ETS1: variants seen among roughly 807,000 people sequenced by gnomAD.
ETS1 encodes the protein protein C-ets-1.
A neutral mutation model predicts 58.6 loss-of-function variants in ETS1; 15 were observed. That is an observed-to-expected ratio of 0.26 (90% confidence interval 0.17 to 0.39). ETS1 has a LOEUF of 0.39. Ranked by LOEUF, ETS1 falls within the 10% of genes least tolerant of loss-of-function variation. The probability of loss-of-function intolerance (pLI) is 1.00; values close to 1 mark genes in which losing one functional copy is unlikely to be tolerated. For missense variants in ETS1, 417 were observed against 610.5 expected (o/e 0.68, Z 3.34); for synonymous variants, 214 against 218.2 (o/e 0.98, Z 0.17).
intron 3 of ETS1, among the ~76,000 whole-genome samples, chr11:128,550,820 C>T (rs576472325): frequency 6.6e-6 from 1 of 152,296 alleles, no homozygotes; most frequent in South Asian, 2.1e-4. Context: ...CTAGTCTTGT[C>T]CTAGAAAATA....
Position 128,549,409 on chromosome 11 carries a change from C to T in ETS1, c.214+6882G>A, listed in dbSNP as rs1311378510. Among the ~76,000 whole-genome samples the T allele has an allele frequency of 6.6e-6, 1 of 152,236 alleles. No individual in the cohort carries two copies. Among genetic ancestry groups the T allele is most frequent in the Non-Finnish European group, 1.5e-5 (1 of 68,044 alleles). On this transcript the variant is annotated intron_variant, in intron 3 of 9. Transcript: ENST00000392668. The surrounding 1 kb of genome is among the most constrained non-coding windows in gnomAD (Gnocchi z 4.3). ...CCGGCGGCGTCCACCGTCCCACCCCCGTGCGAGGAGTTCCAGGAGAGGGGT... is the reference window on the plus strand; with the variant it reads ...CCGGCGGCGTCCACCGTCCCACCCCTGTGCGAGGAGTTCCAGGAGAGGGGT...
chr11:128,574,691 A>G (rs1285368535), intron 1 of ETS1, among the ~76,000 whole-genome samples: 1 of 152,182 alleles, frequency 6.6e-6, no homozygotes, highest in Non-Finnish European at 1.5e-5. Flanking sequence ...CACTGTGAGG[A>G]TCATCTCACT....
chr11:128,531,092 T>A (rs1482737217), intron 3 of ETS1, among the ~76,000 whole-genome samples: 1 of 152,226 alleles, frequency 6.6e-6, no homozygotes, highest in Non-Finnish European at 1.5e-5. Context: ...CAGGCTTTGG[T>A]TTCCTCACTA....
At chr11:128,504,179 C>T (rs898595366) in intron 3 of ETS1, among the ~76,000 whole-genome samples, 14 of 152,286 alleles carry the variant, frequency 9.2e-5, no homozygotes, top group African/African-American at 3.4e-4. Flanking sequence ...ACTGCTAAAC[C>T]TATCATACGA....
intron 1 of ETS1, among the ~76,000 whole-genome samples, chr11:128,582,723 C>G (rs1286261682): frequency 6.6e-6 from 1 of 152,002 alleles, no homozygotes; most frequent in Non-Finnish European, 1.5e-5. Context: ...TCTGTTTGTA[C>G]CATTGTTATG....
intron 2 of ETS1, among the ~76,000 whole-genome samples, chr11:128,572,622 T>G (rs1050569764): frequency 6.6e-6 from 1 of 152,264 alleles, no homozygotes; most frequent in Admixed American, 6.5e-5. Flanking sequence ...TTCCATAAAC[T>G]TATTGTCATA....
chr11:128,550,517 G>C (rs74531662), intron 3 of ETS1, among the ~76,000 whole-genome samples: 2,036 of 152,286 alleles, frequency 0.013, 37 homozygotes, highest in African/African-American at 0.046. Context: ...CGGACTGCTT[G>C]GGCTAGGCTG....
At position 128,464,980 on chromosome 11, in the gene ETS1, CTT is replaced by C. The variant is rs1307563008; in HGVS notation, c.1124-1355_1124-1354del. Among the ~76,000 whole-genome samples the C allele has an allele frequency of 2.0e-5, 3 of 152,296 alleles. No individual in the cohort carries two copies. The East Asian group carries it at 5.8e-4, about 29-fold the overall frequency. On this transcript the variant is annotated intron_variant, in intron 8 of 9. Transcript: ENST00000392668. This position sits in a 1 kb window ranked among gnomAD's most constrained non-coding sequence, Gnocchi z 4.1. Reference sequence around the variant, plus strand: ...AAAAGTGCTCAGCAAAGTACTGTGACTTTGCTCTGAGCCACGGTTAGCGAAAT... The same window carrying C: ...AAAAGTGCTCAGCAAAGTACTGTGACTGCTCTGAGCCACGGTTAGCGAAAT...
chr11:128,576,536 G>C (rs1864753140), intron 1 of ETS1, among the ~76,000 whole-genome samples: 1 of 152,128 alleles, frequency 6.6e-6, no homozygotes, highest in African/African-American at 2.4e-5. Flanking sequence ...ACCTGTTTGG[G>C]TGCAAAAATG....
intron 3 of ETS1, among the ~76,000 whole-genome samples, chr11:128,515,279 C>T (rs1258392797): frequency 4.0e-5 from 6 of 151,620 alleles, no homozygotes; most frequent in South Asian, 2.1e-4. Context: ...CACACGCGCG[C>T]GTGCACACTA....
intron 1 of ETS1, among the ~76,000 whole-genome samples, chr11:128,581,742 A>C (rs1565419308): frequency 6.6e-6 from 1 of 152,198 alleles, no homozygotes; most frequent in Non-Finnish European, 1.5e-5. Context: ...AGAGACTAGC[A>C]TTTTAAAGAA....
intron 2 of ETS1, among the ~76,000 whole-genome samples, chr11:128,567,470 A>G (rs1864526361): frequency 6.6e-6 from 1 of 152,006 alleles, no homozygotes. Context: ...TTCATGGCAT[A>G]AATTCACAAG....
intron 3 of ETS1, among the ~76,000 whole-genome samples, chr11:128,551,420 G>T (rs1218679112): frequency 6.6e-6 from 1 of 152,190 alleles, no homozygotes; most frequent in African/African-American, 2.4e-5. Flanking sequence ...GAATCTCAGC[G>T]TATCTCCCAC....
intron 3 of ETS1, among the ~76,000 whole-genome samples, chr11:128,504,786 G>C (rs1863186298): frequency 6.6e-6 from 1 of 151,970 alleles, no homozygotes; most frequent in Non-Finnish European, 1.5e-5. Flanking sequence ...ATCAAGTCCT[G>C]GTTCATCATT....
intron 2 of ETS1, among the ~76,000 whole-genome samples, chr11:128,567,376 T>C (rs2135571797): frequency 6.6e-6 from 1 of 152,346 alleles, no homozygotes; most frequent in East Asian, 1.9e-4. Context: ...TGCAATACCC[T>C]TGATTTCACA....
At chr11:128,563,634 C>T (rs1414284084) in intron 2 of ETS1, among the ~76,000 whole-genome samples, 1 of 152,182 alleles carries the variant, frequency 6.6e-6, no homozygotes, top group Non-Finnish European at 1.5e-5. Context: ...AGCCACACCA[C>T]GGTGGGCGAG....
At chr11:128,481,508 C>A (rs1157722718) in intron 7 of ETS1, among the ~76,000 whole-genome samples, 10 of 151,878 alleles carry the variant, frequency 6.6e-5, no homozygotes, top group Non-Finnish European at 1.3e-4. Flanking sequence ...TTATATGCAA[C>A]TTTCAGATAC....
intron 8 of ETS1, among the ~76,000 whole-genome samples, chr11:128,469,985 C>T (rs1467806464): frequency 6.6e-6 from 1 of 152,158 alleles, no homozygotes; most frequent in African/African-American, 2.4e-5. Context: ...AACTCAAGGG[C>T]AGTGATTGGG....
chr11:128,489,343 G>A lies in ETS1; in HGVS notation c.482C>T (p.Ala161Val). The A allele has an allele frequency of 6.2e-7, 1 of 1,614,168 alleles. No individual in the cohort carries two copies. Among genetic ancestry groups the A allele is most frequent in the Non-Finnish European group, 8.5e-7 (1 of 1,180,030 alleles). ...TAAGATGTCCCCAACAAAGTCTGGG[G>A]CCAGCTCGAGAAAGCAGTCTTTACC... ...ALGKDCFLEL[A>V]PDFVGDILWE... Residue 161 changes from alanine (A) to valine (V), a missense_variant, in exon 5 of 10, where the codon GCC (alanine) becomes GTC (valine). Ala to Val is a moderately conservative substitution (Grantham distance 64). Transcript: ENST00000392668.
Sources: gnomAD v4.1 joint callset for allele counts (sites outside exome capture counted in the v4.1 genomes callset) on GRCh38, gnomAD v4.1.1 for gene constraint, Gnocchi (gnomAD v3.1) non-coding constraint, MANE v1.5 for transcripts, NCBI Gene and HGNC (gene_info 2026-07-23, HGNC 2026-07-21) for gene names.